The following FGFR2 variants were observed in gnomAD, a reference collection of about 807,000 sequenced individuals.
FGFR2 encodes BEK fibroblast growth factor receptor.
FGFR2 carries 19 observed loss-of-function variants against 95.9 expected under a neutral mutation model. That is an observed-to-expected ratio of 0.20 (90% CI 0.14 to 0.29). FGFR2 has a LOEUF of 0.29. FGFR2 is among the 10% of genes least tolerant of loss of function. FGFR2 has a pLI of 1.00. For synonymous variants in FGFR2, 392 were observed against 393.3 expected, an observed-to-expected ratio of 1.00 and a Z score of 0.04; for missense variants, 707 against 1,056.9, an observed-to-expected ratio of 0.67 and a Z score of 4.59.
At chr10:121,569,467 G>A (rs567947691) in intron 2 of FGFR2, among the ~76,000 whole-genome samples, 21 of 152,166 alleles carry the variant, frequency 1.4e-4, no homozygotes, top group African/African-American at 4.1e-4. Flanking sequence ...TGATCTGCCC[G>A]CCTCGGCCTC....
chr10:121,521,557 A>G (rs1304660507), intron 6 of FGFR2, among the ~76,000 whole-genome samples: 1 of 145,032 alleles, frequency 6.9e-6, no homozygotes, highest in Non-Finnish European at 1.5e-5. Flanking sequence ...CAATGTCACT[A>G]ATCATTAGAG....
intron 1 of FGFR2, chr10:121,596,774 T>C (rs1164263502): frequency 5.1e-6 from 1 of 194,688 alleles, no homozygotes; most frequent in East Asian, 8.1e-5. Context: ...GCAGCACTTC[T>C]TTCATTTGTT....
rs114495429 is a variant in FGFR2 at position 121,554,910 on chromosome 10, G to A, written c.455-3451C>T. On this transcript the variant is annotated intron_variant, in intron 4 of 17. Transcript: ENST00000358487. ...CAAACACCATCCAGGCACTTAGAAC[G>A]GGCTCCTCTACCTAAGGAAGCCCCT... 2.4e-3 allele frequency among the ~76,000 whole-genome samples: 370 copies of A among 152,186 alleles called. 1 individual carries two copies. Among genetic ancestry groups the A allele is most frequent in the African/African-American group, 8.3e-3 (345 of 41,504 alleles).
chr10:121,509,728 C>T (rs1160723023), intron 9 of FGFR2, among the ~76,000 whole-genome samples: 1 of 151,874 alleles, frequency 6.6e-6, no homozygotes, highest in African/African-American at 2.4e-5. Context: ...GGTGATCCAC[C>T]TACGTCGGCC....
At chr10:121,556,963 T>C (rs1199226742) in intron 4 of FGFR2, among the ~76,000 whole-genome samples, 1 of 152,170 alleles carries the variant, frequency 6.6e-6, no homozygotes, top group African/African-American at 2.4e-5. Flanking sequence ...CAGTTTGGTA[T>C]AAACTAAGAG....
In FGFR2 at chr10:121,571,651, C is replaced by CAAAA. The variant is rs917484546; in HGVS notation, c.110-5951_110-5948dup. Among the ~76,000 whole-genome samples, 33 of 151,214 alleles carry CAAAA rather than the reference C, an allele frequency of 2.2e-4. 3 individuals carry two copies. The highest frequency in any genetic ancestry group is 5.9e-4 in the East Asian group (3 of 5,110). ...ACAAACAAACAAACAAACAAACAAACAAAAACGACTGGCCGGGCGCGGTGG... is the reference window on the plus strand; with the variant it reads ...ACAAACAAACAAACAAACAAACAAACAAAAAAAAACGACTGGCCGGGCGCGGTGG... On this transcript the variant is annotated intron_variant, in intron 2 of 17. Transcript: ENST00000358487.
At chr10:121,509,497 TTTTTTTTTTTTTG>T (rs1848766905) in intron 9 of FGFR2, among the ~76,000 whole-genome samples, 2 of 113,368 alleles carry the variant, frequency 1.8e-5, no homozygotes, top group Non-Finnish European at 3.6e-5. Flanking sequence ...TTTTTTTTTT[TTTTTTTTTTTTTG>T]GTTTGAGACA....
rs186977026 is a variant in FGFR2, at chr10:121,512,903, C to A, written c.1287+2214G>T. Among the ~76,000 whole-genome samples the A allele has an allele frequency of 2.0e-3, 302 of 152,152 alleles. 2 individuals carry two copies. The highest frequency in any genetic ancestry group is 6.8e-3 in the African/African-American group (283 of 41,522). ...TTTTTTTTAAAGACGGAGTTTTACT[C>A]TTGTTGCCCAGGCTGGAGCGCAATG... On this transcript the variant is annotated intron_variant, in intron 9 of 17. Coordinates refer to ENST00000358487, the MANE Select transcript of FGFR2 (RefSeq NM_000141.5).
At chr10:121,509,326 C>T (rs934146272) in intron 9 of FGFR2, among the ~76,000 whole-genome samples, 2 of 151,626 alleles carry the variant, frequency 1.3e-5, no homozygotes, top group Non-Finnish European at 2.9e-5. Context: ...CCTCACTTTC[C>T]GGAATCTCTC....
At chr10:121,589,498 C>CTT (rs45631541) in intron 2 of FGFR2, among the ~76,000 whole-genome samples, 4,478 of 152,302 alleles carry the variant, frequency 0.029, 65 homozygotes, top group South Asian at 0.053. Flanking sequence ...AAAGTCTTTA[C>CTT]TTATGGCTTG....
chr10:121,534,611 GTC>G (rs1219246840), intron 6 of FGFR2, among the ~76,000 whole-genome samples: 2 of 151,298 alleles, frequency 1.3e-5, no homozygotes, highest in Non-Finnish European at 2.9e-5. Flanking sequence ...GACCAGGCTG[GTC>G]TCTAACTGCT....
At chr10:121,484,913 G>T (rs1164542265) in intron 16 of FGFR2, among the ~76,000 whole-genome samples, 107 of 152,298 alleles carry the variant, frequency 7.0e-4, no homozygotes, top group African/African-American at 2.5e-3. Flanking sequence ...AGAAGTTCTG[G>T]AAACACCGAT....
intron 2 of FGFR2, among the ~76,000 whole-genome samples, chr10:121,578,186 T>TA (rs1471046747): frequency 1.3e-5 from 2 of 151,756 alleles, no homozygotes; most frequent in Non-Finnish European, 2.9e-5. Context: ...CTCTACTCTT[T>TA]TAAAAAGGCA....
chr10:121,519,732 G>T (rs1321023816), intron 7 of FGFR2, among the ~76,000 whole-genome samples: 1 of 152,190 alleles, frequency 6.6e-6, no homozygotes, highest in Non-Finnish European at 1.5e-5. Flanking sequence ...ATAAATAGCT[G>T]AACTATTCTC....
At chr10:121,590,440 T>TC (rs1862466001) in intron 2 of FGFR2, among the ~76,000 whole-genome samples, 1 of 152,142 alleles carries the variant, frequency 6.6e-6, no homozygotes, top group Non-Finnish European at 1.5e-5. Flanking sequence ...CTGCCCCCCT[T>TC]CGAGTCAATA....
intron 4 of FGFR2, among the ~76,000 whole-genome samples, chr10:121,558,158 G>C (rs570331992): frequency 6.6e-6 from 1 of 152,000 alleles, no homozygotes; most frequent in Non-Finnish European, 1.5e-5. Flanking sequence ...AAAATCCCTC[G>C]AACAAATGGG....
At chr10:121,504,745 T>C (rs1215004993) in intron 9 of FGFR2, among the ~76,000 whole-genome samples, 4 of 152,222 alleles carry the variant, frequency 2.6e-5, no homozygotes, top group African/African-American at 9.6e-5. Flanking sequence ...CCGAGTTACT[T>C]TCTTGTTTAT....
chr10:121,515,376 C>G (rs2134233916), intron 8 of FGFR2, 57 bp from the exon 9 acceptor site: 1 of 1,513,398 alleles, frequency 6.6e-7, no homozygotes, highest in Non-Finnish European at 9.2e-7. Flanking sequence ...GTTAGCACAC[C>G]AGACTGACGC....
At chr10:121,576,352 T>C (rs10886946) in intron 2 of FGFR2, among the ~76,000 whole-genome samples, 24,950 of 152,166 alleles carry the variant, frequency 0.16, 2,491 homozygotes, top group East Asian at 0.27. Context: ...TCTGTGTGCC[T>C]GGCTGCCTGG....
Sources: allele counts gnomAD v4.1 joint callset (sites outside exome capture counted in the v4.1 genomes callset), GRCh38; gene constraint gnomAD v4.1.1; transcripts MANE v1.5; gene names NCBI Gene and HGNC (gene_info 2026-07-23, HGNC 2026-07-21).